The following PIGF variants were observed in gnomAD, a reference collection of about 807,000 sequenced individuals.
PIGF encodes GPI ethanolamine phosphate transferase, stabilizing subunit.
PIGF carries 23 observed loss-of-function variants against 26.0 expected under a neutral mutation model. The observed-to-expected ratio is 0.88, with a 90% confidence interval of 0.64 to 1.25. PIGF has a LOEUF of 1.25. PIGF is among the 50% of genes most tolerant of loss of function. PIGF has a pLI of 0.00. For missense variants in PIGF, 278 were observed against 249.9 expected (o/e 1.11, Z -0.76); for synonymous variants, 93 against 92.6 (o/e 1.00, Z -0.03).
intron 5 of PIGF, chr2:46,591,527 A>G: frequency 1.1e-6 from 1 of 897,822 alleles, no homozygotes; most frequent in Non-Finnish European, 1.3e-6. Context: ...TTTGGGAGTA[A>G]TTACTCTGTG....
intron 5 of PIGF, among the ~76,000 whole-genome samples, chr2:46,586,329 C>T (rs996730056): frequency 2.6e-5 from 4 of 152,040 alleles, no homozygotes; most frequent in Non-Finnish European, 5.9e-5. Context: ...TCCATTCATT[C>T]GAAACTATTT....
rs755467328 is a variant in PIGF at position 46,589,415 on chromosome 2, G to C, written c.546+3060C>G. On this transcript the variant is annotated intron_variant, in intron 5 of 5. Transcript: ENST00000281382. The surrounding 1 kb of genome is among the most constrained non-coding windows in gnomAD (Gnocchi z 4.7). ...CCACATCACTATAATCTTATGCTTG[G>C]CCTCAGGAATGTTATACAATGGTTT... 4.3e-4 allele frequency among the ~76,000 whole-genome samples: 66 copies of C among 151,860 alleles called. 1 individual carries two copies. The highest frequency in any genetic ancestry group is 1.7e-3 in the South Asian group (8 of 4,818).
rs76881727 is a variant in PIGF, at chr2:46,588,590, C to T, written c.546+3885G>A. ...TCCTAATCATCATGTTACCTGCCTA[C>T]CCATTAATAAAACGTGAGTTTAAAA... On this transcript the variant is annotated intron_variant, in intron 5 of 5. Coordinates refer to ENST00000281382, the MANE Select transcript of PIGF (RefSeq NM_002643.4). The surrounding 1 kb of genome is among the most constrained non-coding windows in gnomAD (Gnocchi z 4.1). 0.011 allele frequency: 1,684 copies of T among 153,840 alleles called. 30 individuals are homozygous for T. Among genetic ancestry groups the T allele is most frequent in the African/African-American group, 0.039 (1,609 of 41,550 alleles). 9.5% of individuals were successfully genotyped at this position (153,840 alleles called of 1,614,324 possible).
At position 46,614,935 on chromosome 2, in the gene PIGF, A is replaced by C; in HGVS notation, c.228+2T>G. The C allele has an allele frequency of 7.4e-7, 1 of 1,345,628 alleles. No homozygotes were observed. Among genetic ancestry groups the C allele is most frequent in the East Asian group, 2.3e-5 (1 of 43,584 alleles). The allele number at this position is 1,345,628 out of a possible 1,614,324, so 83.4% of individuals were successfully genotyped here. A position where few individuals can be genotyped will look rare whatever the true frequency, so the allele number is the denominator to read the frequency against. ...AATCAGTTATTGAGACATAAGCCTTACCTTGTGTGATAATGAACTTCTTTT... is the reference window on the plus strand; with the variant it reads ...AATCAGTTATTGAGACATAAGCCTTCCCTTGTGTGATAATGAACTTCTTTT... On this transcript the variant is annotated splice_donor_variant, in intron 2 of 5. Transcript: ENST00000281382. LOFTEE classifies it high-confidence loss of function.
chr2:46,592,374 T>C, intron 5 of PIGF, 101 bp downstream of exon 5: 1 of 682,508 alleles, frequency 1.5e-6, no homozygotes, highest in Non-Finnish European at 2.7e-6. Context: ...CCTACTTAAT[T>C]GAACAACAAA....
chr2:46,611,885 C>G (rs909074045), intron 4 of PIGF, among the ~76,000 whole-genome samples: 2 of 152,116 alleles, frequency 1.3e-5, no homozygotes, highest in South Asian at 2.1e-4. Flanking sequence ...AGTCTTATCA[C>G]AGTGCCAAAT....
intron 4 of PIGF, among the ~76,000 whole-genome samples, chr2:46,598,654 T>C (rs1487043662): frequency 1.3e-5 from 2 of 151,310 alleles, no homozygotes; most frequent in African/African-American, 4.9e-5. Flanking sequence ...TGGACACTCC[T>C]GTAGTGGTTG....
At chr2:46,594,331 T>C (rs1669814890) in intron 4 of PIGF, among the ~76,000 whole-genome samples, 1 of 152,160 alleles carries the variant, frequency 6.6e-6, no homozygotes, top group Non-Finnish European at 1.5e-5. Context: ...AGAGCAGAGA[T>C]TACTTTCTGT....
intron 1 of PIGF, chr2:46,615,470 A>T: frequency 8.9e-6 from 2 of 225,226 alleles, no homozygotes; most frequent in Non-Finnish European, 1.8e-5. Context: ...ATGTCCTAGG[A>T]CCAATAAAGC....
At chr2:46,591,362 G>A (rs181853222) in intron 5 of PIGF, 1 of 193,134 alleles carries the variant, frequency 5.2e-6, no homozygotes, top group African/African-American at 2.4e-5. Flanking sequence ...TTTCCTCTGG[G>A]TGGTTGGGGA....
In PIGF at chr2:46,612,797, A is replaced by C. The variant is rs545920015; in HGVS notation, c.321-453T>G. On this transcript the variant is annotated intron_variant, in intron 3 of 5. Transcript: ENST00000281382. Reference sequence around the variant, plus strand: ...TTGGAAACACCTGGAGAGCTGGATAAACTAAAGATTGGTGGGGGCTCTACC... The same window carrying C: ...TTGGAAACACCTGGAGAGCTGGATACACTAAAGATTGGTGGGGGCTCTACC... Among the ~76,000 whole-genome samples, 24 of 152,274 alleles carry C rather than the reference A, an allele frequency of 1.6e-4. 1 individual carries two copies. The South Asian group carries it at 3.9e-3, about 25-fold the overall frequency.
rs147252634 is a variant in PIGF at position 46,597,443 on chromosome 2, C to T, written c.438-4860G>A. ...TGTTTTTTTTTTTGAGGTGAAGTCT[C>T]ACTTTGTCATCCAGGCTGGAGTGCA... On this transcript the variant is annotated intron_variant, in intron 4 of 5. Transcript: ENST00000281382. 2.7e-3 allele frequency among the ~76,000 whole-genome samples: 406 copies of T among 150,974 alleles called. 1 individual carries two copies. The highest frequency in any genetic ancestry group is 8.9e-3 in the African/African-American group (365 of 41,178).
intron 4 of PIGF, among the ~76,000 whole-genome samples, chr2:46,608,831 G>T (rs1670306781): frequency 6.6e-6 from 1 of 152,126 alleles, no homozygotes. Flanking sequence ...AGTAAACCAT[G>T]TTATAAACAG....
chr2:46,615,139 AG>A lies in PIGF; in HGVS notation c.25del (p.Leu9TyrfsTer14), dbSNP rs1404528964. 1 of 1,537,766 alleles carries A rather than the reference AG, an allele frequency of 6.5e-7. No homozygotes were observed. Among genetic ancestry groups the A allele is most frequent in the Non-Finnish European group, 9.0e-7 (1 of 1,111,196 alleles). On this transcript the variant is annotated frameshift_variant, in exon 2 of 6. Transcript: ENST00000281382. LOFTEE classifies it high-confidence loss of function. The stretch of plus-strand genomic sequence containing the variant: ...TATGCATAAAAGATGGGTATACAGT[AG>A]TCTCTTGATATCGTTATCTTTCATG... MKDNDIKRLLYTHLLCIFS... is the reference protein window; with the variant it reads MKDNDIKRXLYTHLLCIFS...
chr2:46,599,317 T>G (rs1213622711), intron 4 of PIGF, among the ~76,000 whole-genome samples: 2 of 152,210 alleles, frequency 1.3e-5, no homozygotes, highest in African/African-American at 2.4e-5. Context: ...CTTGATATAG[T>G]GAGTCCCTTT....
At chr2:46,583,693 AT>A (rs1438473335) in intron 5 of PIGF, among the ~76,000 whole-genome samples, 1 of 152,216 alleles carries the variant, frequency 6.6e-6, no homozygotes, top group African/African-American at 2.4e-5. Flanking sequence ...GCATGTCTTC[AT>A]TCAAAGCTTA....
intron 4 of PIGF, among the ~76,000 whole-genome samples, chr2:46,602,880 G>GA (rs960328353): frequency 7.3e-5 from 11 of 151,534 alleles, no homozygotes; most frequent in African/African-American, 2.4e-4. Flanking sequence ...TCAGATGAGA[G>GA]AAAAAAATAA....
At chr2:46,613,269 C>A (rs1020044992) in intron 3 of PIGF, among the ~76,000 whole-genome samples, 2 of 152,120 alleles carry the variant, frequency 1.3e-5, no homozygotes, top group African/African-American at 2.4e-5. Context: ...AAACTATAAA[C>A]ACCAGCTTAT....
chr2:46,590,709 T>G (rs2104074746), intron 5 of PIGF, among the ~76,000 whole-genome samples: 1 of 152,320 alleles, frequency 6.6e-6, no homozygotes, highest in East Asian at 1.9e-4. Context: ...ACTGACACTC[T>G]GTTGAATGAC....
Sources: allele counts gnomAD v4.1 joint callset (sites outside exome capture counted in the v4.1 genomes callset), GRCh38; gene constraint gnomAD v4.1.1; non-coding constraint Gnocchi (gnomAD v3.1); transcripts MANE v1.5; gene names NCBI Gene and HGNC (gene_info 2026-07-23, HGNC 2026-07-21).